The following MECOM variants were observed in gnomAD, a reference collection of about 807,000 sequenced individuals.
The protein encoded by MECOM is MDS1 and EVI1 complex locus, also known as histone-lysine N-methyltransferase MECOM.
MECOM carries 13 observed loss-of-function variants against 116.3 expected under a neutral mutation model. That is an observed-to-expected ratio of 0.11 (90% confidence interval 0.07 to 0.18). MECOM has a LOEUF of 0.18. MECOM is among the 10% of genes least tolerant of loss of function. The probability of loss-of-function intolerance (pLI) is 1.00; values close to 1 mark genes in which losing one functional copy is unlikely to be tolerated. For missense variants in MECOM, 1,299 were observed against 1,509.0 expected (o/e 0.86, Z 2.31); for synonymous variants, 528 against 535.2 (o/e 0.99, Z 0.19).
intron 2 of MECOM, among the ~76,000 whole-genome samples, chr3:169,247,401 G>C (rs570218554): frequency 6.6e-6 from 1 of 151,854 alleles, no homozygotes; most frequent in African/African-American, 2.4e-5. Context: ...CACCTCCCGC[G>C]TTCAAGTGAT....
Position 169,343,492 on chromosome 3 carries a change from C to T in MECOM, c.375+37695G>A, listed in dbSNP as rs954166989. On this transcript the variant is annotated intron_variant, in intron 2 of 16. Coordinates refer to ENST00000651503, the MANE Select transcript of MECOM (RefSeq NM_004991.4). ...TGGCTCTGTCTTCAGAGTAGGAATT[C>T]CTCCTGACTCGCCAGAATCAAAAAG... Among the ~76,000 whole-genome samples the T allele has an allele frequency of 1.1e-4, 16 of 152,168 alleles. 1 individual carries two copies. The South Asian group carries it at 3.3e-3, about 32-fold the overall frequency.
At chr3:169,533,419 C>G (rs1052517133) in intron 1 of MECOM, among the ~76,000 whole-genome samples, 2 of 152,020 alleles carry the variant, frequency 1.3e-5, no homozygotes, top group African/African-American at 4.8e-5. Context: ...CTTTCCAACA[C>G]CTGGTTCTTA....
intron 2 of MECOM, among the ~76,000 whole-genome samples, chr3:169,355,371 T>A (rs1222435557): frequency 6.6e-6 from 1 of 151,956 alleles, no homozygotes; most frequent in Non-Finnish European, 1.5e-5. Context: ...GTGGCTCATG[T>A]TTTCCTTTCA....
chr3:169,375,925 C>T (rs1459941608), intron 2 of MECOM, among the ~76,000 whole-genome samples: 1 of 152,054 alleles, frequency 6.6e-6, no homozygotes, highest in Non-Finnish European at 1.5e-5. Context: ...ATGCGAAAAT[C>T]CTCAATAAAA....
At chr3:169,128,964 T>G (rs1271724180) in intron 4 of MECOM, among the ~76,000 whole-genome samples, 2 of 152,154 alleles carry the variant, frequency 1.3e-5, no homozygotes, top group East Asian at 3.8e-4. Context: ...CAGCTCACAC[T>G]GCTAAAAAAT....
chr3:169,512,155 G>A (rs748634319), intron 1 of MECOM, among the ~76,000 whole-genome samples: 2 of 152,162 alleles, frequency 1.3e-5, no homozygotes, highest in Non-Finnish European at 2.9e-5. Flanking sequence ...TAAATGCACA[G>A]CTTGTGCAAC....
At chr3:169,456,969 T>C (rs1208584028) in intron 1 of MECOM, among the ~76,000 whole-genome samples, 1 of 152,048 alleles carries the variant, frequency 6.6e-6, no homozygotes, top group African/African-American at 2.4e-5. Flanking sequence ...GTGAGGCAGG[T>C]CAGTGGCAGG....
intron 2 of MECOM, among the ~76,000 whole-genome samples, chr3:169,332,281 A>G (rs1030543626): frequency 1.3e-5 from 2 of 152,128 alleles, no homozygotes; most frequent in African/African-American, 4.8e-5. Flanking sequence ...AAGAAAGTTG[A>G]AAGTCCTTGC....
In MECOM at chr3:169,663,368, C is replaced by T. The variant is rs2110156907; in HGVS notation, c.5G>A (p.Arg2Lys). 6.2e-7 allele frequency: 1 copy of T among 1,610,706 alleles called. No individual in the cohort carries two copies. Among genetic ancestry groups the T allele is most frequent in the South Asian group, 1.1e-5 (1 of 90,042 alleles). MRSKGRARKLAT... is the reference protein window; with the variant it reads MKSKGRARKLAT... ...CAGTTTCCTTGCCCTGCCTTTGGAT[C>T]TCATGCTGTGCCCAGTCCTGCAGCC... Residue 2 changes from arginine (R) to lysine (K), a missense_variant, in exon 1 of 17, where the codon AGA becomes AAA. Transcript: ENST00000651503.
At chr3:169,316,507 G>A (rs1333208783) in intron 2 of MECOM, among the ~76,000 whole-genome samples, 1 of 152,138 alleles carries the variant, frequency 6.6e-6, no homozygotes, top group Non-Finnish European at 1.5e-5. Flanking sequence ...CCACAGAGAG[G>A]AGATCTCATA....
At chr3:169,534,374 C>T (rs558370945) in intron 1 of MECOM, among the ~76,000 whole-genome samples, 22 of 152,106 alleles carry the variant, frequency 1.4e-4, no homozygotes, top group African/African-American at 4.3e-4. Flanking sequence ...AGCTAATAAC[C>T]CCCTGGATAA....
At chr3:169,636,820 G>A (rs909605605) in intron 1 of MECOM, among the ~76,000 whole-genome samples, 1 of 152,164 alleles carries the variant, frequency 6.6e-6, no homozygotes, top group African/African-American at 2.4e-5. Flanking sequence ...ATGATCTAGA[G>A]CAAACACGAA....
intron 2 of MECOM, among the ~76,000 whole-genome samples, chr3:169,200,839 C>T (rs141462213): frequency 0.011 from 1,714 of 152,176 alleles, 11 homozygotes; most frequent in Non-Finnish European, 0.017. Flanking sequence ...CAAGACCTCC[C>T]TACTCTGATG....
intron 2 of MECOM, among the ~76,000 whole-genome samples, chr3:169,242,995 T>A (rs897746397): frequency 6.6e-6 from 1 of 152,076 alleles, no homozygotes; most frequent in African/African-American, 2.4e-5. Context: ...CCAGCATAGA[T>A]CATTGCAAGT....
rs554097838 is a variant in MECOM at position 169,172,841 on chromosome 3, C to T, written c.376-29009G>A. On this transcript the variant is annotated intron_variant, in intron 2 of 16. Transcript: ENST00000651503. The stretch of plus-strand genomic sequence containing the variant: ...GTTGCTTGGCTTCAATGTGCATCAG[C>T]TTCTACAATTGAAAAAAGGAGAAAA... Among the ~76,000 whole-genome samples the T allele has an allele frequency of 6.6e-5, 10 of 152,222 alleles. No individual in the cohort carries two copies. The South Asian group carries it at 2.1e-3, about 32-fold the overall frequency.
chr3:169,516,168 A>G (rs1756595530), intron 1 of MECOM, among the ~76,000 whole-genome samples: 1 of 152,246 alleles, frequency 6.6e-6, no homozygotes, highest in African/African-American at 2.4e-5. Context: ...GTGAAAAGGA[A>G]AAGAAGTATG....
chr3:169,563,426 C>G (rs1762880919), intron 1 of MECOM, among the ~76,000 whole-genome samples: 1 of 152,192 alleles, frequency 6.6e-6, no homozygotes, highest in African/African-American at 2.4e-5. Context: ...ATTGACATAT[C>G]CCATGTTTTG....
chr3:169,422,316 A>G (rs1420183611), intron 1 of MECOM, among the ~76,000 whole-genome samples: 1 of 152,136 alleles, frequency 6.6e-6, no homozygotes, highest in Admixed American at 6.6e-5. Flanking sequence ...GAATGCCATG[A>G]TCATTCACAT....
In MECOM at chr3:169,084,780, T is replaced by A. The variant is rs2148806593; in HGVS notation, c.*129A>T. ...CTTTTTTAAATCATTCAGTTTAAGG[T>A]CACTAGACTTTAGATGAGTGACCCT... On this transcript the variant is annotated 3_prime_UTR_variant, in exon 17 of 17. Transcript: ENST00000651503. 6.3e-6 allele frequency: 6 copies of A among 949,304 alleles called. No individual in the cohort carries two copies. Among genetic ancestry groups the A allele is most frequent in the Non-Finnish European group, 8.0e-6 (5 of 628,598 alleles). The allele number at this position is 949,304 out of a possible 1,614,324, so 58.8% of individuals were successfully genotyped here.
Sources: gnomAD v4.1 joint callset for allele counts (sites outside exome capture counted in the v4.1 genomes callset) on GRCh38, gnomAD v4.1.1 for gene constraint, MANE v1.5 for transcripts, NCBI Gene and HGNC (gene_info 2026-07-23, HGNC 2026-07-21) for gene names.